Variants in MCM2 observed in about 807,000 individuals in gnomAD.
The protein encoded by MCM2 is DNA replication licensing factor MCM2.
In MCM2, 49 loss-of-function variants were observed where a neutral mutation model predicts 86.4. That is an observed-to-expected ratio of 0.57 (90% confidence interval 0.45 to 0.72). MCM2 has a LOEUF of 0.72. Among genes scored for constraint, MCM2 ranks in the 30% least tolerant of loss-of-function variants. MCM2 has a pLI of 0.00. For synonymous variants in MCM2, 475 were observed against 484.6 expected (o/e 0.98, Z 0.26); for missense variants, 1,038 against 1,259.9 (o/e 0.82, Z 2.67).
At position 127,617,224 on chromosome 3, in the gene MCM2, G is replaced by A; in HGVS notation, c.1774-55G>A. The stretch of plus-strand genomic sequence containing the variant: ...TGGGGTCCATTGGGACCTCATCGGA[G>A]ACTTAGTAGTAGGGGCGTGAACCAT... On this transcript the variant is annotated intron_variant, in intron 10 of 15. Coordinates refer to ENST00000265056, the MANE Select transcript of MCM2 (RefSeq NM_004526.4). This position sits in a 1 kb window ranked among gnomAD's most constrained non-coding sequence, Gnocchi z 4.1. 1.2e-6 allele frequency: 2 copies of A among 1,609,128 alleles called. No individual in the cohort carries two copies. The highest frequency in any genetic ancestry group is 1.7e-4 in the Middle Eastern group (1 of 6,036).
At chr3:127,605,559 G>A (rs943243145) in intron 4 of MCM2, among the ~76,000 whole-genome samples, 1 of 149,478 alleles carries the variant, frequency 6.7e-6, no homozygotes, top group Non-Finnish European at 1.5e-5. Flanking sequence ...TCATGCCTCA[G>A]CCTCCCGAGT....
chr3:127,598,415 T>G lies in MCM2; in HGVS notation c.-52T>G. 3 of 1,613,168 alleles carry G rather than the reference T, an allele frequency of 1.9e-6. No homozygotes were observed. The highest frequency in any genetic ancestry group is 8.5e-7 in the Non-Finnish European group (1 of 1,179,422). On this transcript the variant is annotated 5_prime_UTR_variant, in exon 1 of 16. Coordinates refer to ENST00000265056, the MANE Select transcript of MCM2 (RefSeq NM_004526.4). ...TTTGGTGGGTCACGTGAACCACTTT[T>G]CGCGCGAAACCTGGTTGTTGCTGTA...
At chr3:127,619,369 C>A in intron 13 of MCM2, 91 bp downstream of exon 13, 1 of 1,501,014 alleles carries the variant, frequency 6.7e-7, no homozygotes, top group Non-Finnish European at 9.0e-7. Context: ...GGTGGTCAGT[C>A]AGGCCAAAAG....
Position 127,615,944 on chromosome 3 carries a change from C to G in MCM2, c.1511C>G (p.Pro504Arg). 1.2e-6 allele frequency: 2 copies of G among 1,614,024 alleles called. No individual in the cohort carries two copies. Among genetic ancestry groups the G allele is most frequent in the Non-Finnish European group, 1.7e-6 (2 of 1,179,930 alleles). ...GCTCTGGCCCTGTTCGGAGGGGAGC[C>G]CAAAAACCCAGGTGAGCACCCACCT... ...GLALALFGGE[P>R]KNPGGKHKVR... Residue 504 changes from proline (P) to arginine (R), a missense_variant, in exon 9 of 16, where the codon CCC becomes CGC. Transcript: ENST00000265056.
intron 4 of MCM2, among the ~76,000 whole-genome samples, chr3:127,605,544 G>A (rs987146330): frequency 6.0e-5 from 9 of 149,672 alleles, no homozygotes; most frequent in South Asian, 2.1e-4. Flanking sequence ...GGGTTCAAGC[G>A]TTTCTCATGC....
At chr3:127,608,618 T>C (rs2074368474) in intron 7 of MCM2, 102 bp downstream of exon 7, 1 of 1,477,710 alleles carries the variant, frequency 6.8e-7, no homozygotes, top group African/African-American at 1.4e-5. Context: ...GCAGGGGCAC[T>C]CGGGCTAGGA....
chr3:127,606,091 C>T lies in MCM2; in HGVS notation c.674-27C>T, dbSNP rs1202333347. ...CAGCCCAGGCCTCATGCTTAGTTAA[C>T]TCTCTTCCCACTGTGCCCCCTTCTA... On this transcript the variant is annotated intron_variant, in intron 4 of 15. Coordinates refer to ENST00000265056, the MANE Select transcript of MCM2 (RefSeq NM_004526.4). The surrounding 1 kb of genome is among the most constrained non-coding windows in gnomAD (Gnocchi z 4.2). The T allele has an allele frequency of 6.3e-7, 1 of 1,585,128 alleles. No individual in the cohort carries two copies. The highest frequency in any genetic ancestry group is 2.2e-5 in the East Asian group (1 of 44,680).
At chr3:127,601,427 C>G (rs1281374521) in intron 2 of MCM2, among the ~76,000 whole-genome samples, 1 of 152,188 alleles carries the variant, frequency 6.6e-6, no homozygotes, top group Non-Finnish European at 1.5e-5. Context: ...GTGGCACAAT[C>G]TCAGCTCACT....
Position 127,619,163 on chromosome 3 carries a change from A to G in MCM2, c.2150A>G (p.Gln717Arg). ...ACGTATGGCGTGGAGCCCCTGCCCCAGGAGGTCCTGAAGAAGTACATCATC... is the reference window on the plus strand; with the variant it reads ...ACGTATGGCGTGGAGCCCCTGCCCCGGGAGGTCCTGAAGAAGTACATCATC... The part of the protein sequence containing the change: ...PNTYGVEPLP[Q>R]EVLKKYIIYA... The change falls in exon 13 of 16, where the codon CAG becomes CGG. Residue 717 changes from glutamine (Q) to arginine (R), a missense_variant. Around this residue, in one of 4 missense-constraint regions of MCM2, gnomAD observed 336 missense variants for 425.7 expected, o/e 0.79. Transcript: ENST00000265056. 6.2e-7 allele frequency: 1 copy of G among 1,614,194 alleles called. No homozygotes were observed.
chr3:127,614,995 A>G (rs1000044439), intron 8 of MCM2, among the ~76,000 whole-genome samples: 1 of 152,146 alleles, frequency 6.6e-6, no homozygotes, highest in African/African-American at 2.4e-5. Flanking sequence ...AGTTAGAGAC[A>G]CCTCTAAAGC....
intron 2 of MCM2, among the ~76,000 whole-genome samples, chr3:127,603,208 C>G (rs1488277159): frequency 3.3e-5 from 5 of 152,074 alleles, no homozygotes; most frequent in African/African-American, 1.2e-4. Flanking sequence ...ACCGTGTTAG[C>G]CAGGATGGTC....
At chr3:127,598,813 C>A in intron 1 of MCM2, 1 of 422,976 alleles carries the variant, frequency 2.4e-6, no homozygotes, top group Non-Finnish European at 4.2e-6. Context: ...TTTTAATTTC[C>A]CAATGATCCT....
chr3:127,604,084 C>T (rs2074326928), intron 2 of MCM2, among the ~76,000 whole-genome samples: 1 of 152,234 alleles, frequency 6.6e-6, no homozygotes, highest in Non-Finnish European at 1.5e-5. Context: ...CCACCATGCC[C>T]AGCCATCTTA....
intron 15 of MCM2, among the ~76,000 whole-genome samples, 159 bp downstream of exon 15, chr3:127,621,387 G>A (rs2074477802): frequency 6.6e-6 from 1 of 152,186 alleles, no homozygotes; most frequent in Non-Finnish European, 1.5e-5. Context: ...TTCTGTGCCT[G>A]TAGTCTGACA....
rs192037695 is a variant in MCM2 at position 127,616,725 on chromosome 3, G to A, written c.1523-143G>A. Reference sequence around the variant, plus strand: ...AGTGCCCAGAGTGGGACTGCATGGCGTAGGGCATTGTATCCCTTTCTAGAG... The same window carrying A: ...AGTGCCCAGAGTGGGACTGCATGGCATAGGGCATTGTATCCCTTTCTAGAG... On this transcript the variant is annotated intron_variant, in intron 9 of 15. Transcript: ENST00000265056. 2.6e-4 allele frequency: 233 copies of A among 891,868 alleles called. 4 individuals are homozygous for A. In the South Asian group the frequency reaches 3.3e-3, roughly 13 times the overall value. The allele number at this position is 891,868 out of a possible 1,614,324, so 55.2% of individuals were successfully genotyped here.
Position 127,600,191 on chromosome 3 carries a change from G to A in MCM2, c.236+644G>A, listed in dbSNP as rs1018900556. Among the ~76,000 whole-genome samples the A allele has an allele frequency of 3.3e-5, 5 of 152,336 alleles. No individual in the cohort carries two copies. In the East Asian group the frequency reaches 9.6e-4, roughly 29 times the overall value. ...AGCTACTTGGGAGGCTAAGGCAGGAGAATCACTTCAACCCAGGAGGCATAG... is the reference window on the plus strand; with the variant it reads ...AGCTACTTGGGAGGCTAAGGCAGGAAAATCACTTCAACCCAGGAGGCATAG... On this transcript the variant is annotated intron_variant, in intron 2 of 15. Transcript: ENST00000265056.
Position 127,606,463 on chromosome 3 carries a change from A to AAAATCAATG in MCM2, c.893+126_893+127insAAATCAATG. 1 of 1,179,218 alleles carries AAAATCAATG rather than the reference A, an allele frequency of 8.5e-7. No homozygotes were observed. 73.0% of individuals were successfully genotyped at this position (1,179,218 alleles called of 1,614,324 possible). ...GCCAGCAGCATCCTCATCGCAGGTG[A>AAAATCAATG]GTTGTGGTTGCACAGGAGTGTGATG... On this transcript the variant is annotated intron_variant, in intron 5 of 15. Coordinates refer to ENST00000265056, the MANE Select transcript of MCM2 (RefSeq NM_004526.4). This position sits in a 1 kb window ranked among gnomAD's most constrained non-coding sequence, Gnocchi z 4.2.
At chr3:127,604,807 C>A (rs374506908) in intron 3 of MCM2, 24 bp downstream of exon 3, 1 of 1,573,840 alleles carries the variant, frequency 6.4e-7, no homozygotes, top group East Asian at 2.3e-5. Flanking sequence ...TCTGCCTGCC[C>A]GAGGGACTGG....
At position 127,616,938 on chromosome 3, in the gene MCM2, G is replaced by A; in HGVS notation, c.1593G>A (p.Gln531=). 6.2e-7 allele frequency: 1 copy of A among 1,614,192 alleles called. No homozygotes were observed. Among genetic ancestry groups the A allele is most frequent in the African/African-American group, 1.3e-5 (1 of 75,060 alleles). ...GAGACCCTGGCACAGCGAAGTCGCA[G>A]TTTCTCAAGTATATTGAGAAAGTGT... ...LCGDPGTAKS[Q]FLKYIEKVSS... The change falls in exon 10 of 16, where the codon CAG becomes CAA. Residue 531 remains glutamine, a synonymous_variant. Transcript: ENST00000265056.
Sources: allele counts gnomAD v4.1 joint callset (sites outside exome capture counted in the v4.1 genomes callset), GRCh38; gene constraint gnomAD v4.1.1; regional missense constraint gnomAD v4.1.1; non-coding constraint Gnocchi (gnomAD v3.1); transcripts MANE v1.5; gene names NCBI Gene and HGNC (gene_info 2026-07-23, HGNC 2026-07-21).